Variants in LIPM observed in about 807,000 individuals in gnomAD.
LIPM encodes lipase family member M.
A neutral mutation model predicts 42.4 loss-of-function variants in LIPM; 42 were observed. That is an observed-to-expected ratio of 0.99 (90% CI 0.77 to 1.28). The LOEUF (loss-of-function observed/expected upper bound fraction) is 1.28. Ranked by LOEUF, LIPM falls within the 50% of genes most tolerant of loss-of-function variation. LIPM has a pLI of 0.00. For missense variants in LIPM, 524 were observed against 520.1 expected (o/e 1.01, Z -0.07); for synonymous variants, 177 against 173.3 (o/e 1.02, Z -0.17).
chr10:88,816,875 A>G lies in LIPM; in HGVS notation c.918A>G (p.Leu306=). 1 of 1,551,192 alleles carries G rather than the reference A, an allele frequency of 6.4e-7. No homozygotes were observed. The highest frequency in any genetic ancestry group is 8.7e-7 in the Non-Finnish European group (1 of 1,146,544). ...CTGGAACATCTGTGCAAAATATTCTACACTGGAGCCAGGTAAGAATGTTGA... is the reference window on the plus strand; with the variant it reads ...CTGGAACATCTGTGCAAAATATTCTGCACTGGAGCCAGGTAAGAATGTTGA... ...TLAGTSVQNI[L]HWSQAVNSGE... Residue 306 remains leucine (L), a synonymous_variant, in exon 7 of 9, where the codon CTA becomes CTG. Coordinates refer to ENST00000404743, the MANE Select transcript of LIPM (RefSeq NM_001128215.1).
intron 2 of LIPM, among the ~76,000 whole-genome samples, chr10:88,811,978 C>A (rs1223684394): frequency 6.6e-6 from 1 of 152,196 alleles, no homozygotes; most frequent in Non-Finnish European, 1.5e-5. Context: ...AAGTCCTTTA[C>A]AGCTGTTTTC....
intron 3 of LIPM, 57 bp downstream of exon 3, chr10:88,813,352 TA>T: frequency 2.2e-6 from 3 of 1,358,066 alleles, no homozygotes; most frequent in Non-Finnish European, 2.9e-6. Flanking sequence ...AAAAAATGGG[TA>T]AAAAATTACG....
At position 88,802,733 on chromosome 10, in the gene LIPM, C is replaced by CT. The variant is rs1253285713; in HGVS notation, c.-161dup. ...CATCCTAGGCAATGTTTCCAGCCTA[C>CT]TTTGTGTTCTTTCCCTACCAACTAA... On this transcript the variant is annotated 5_prime_UTR_variant, in exon 1 of 9. Coordinates refer to ENST00000404743, the MANE Select transcript of LIPM (RefSeq NM_001128215.1). The CT allele has an allele frequency of 4.6e-6, 3 of 647,800 alleles. No individual in the cohort carries two copies. Among genetic ancestry groups the CT allele is most frequent in the Non-Finnish European group, 7.9e-6 (3 of 382,144 alleles). 40.1% of individuals were successfully genotyped at this position (647,800 alleles called of 1,614,324 possible). A position where few individuals can be genotyped will look rare whatever the true frequency, so the allele number is the denominator to read the frequency against.
intron 8 of LIPM, 138 bp downstream of exon 8, chr10:88,818,034 C>A: frequency 1.4e-6 from 1 of 702,532 alleles, no homozygotes; most frequent in Non-Finnish European, 2.3e-6. Context: ...TGTTTGACTC[C>A]ATTTGAAAAT....
At position 88,817,908 on chromosome 10, in the gene LIPM, A is replaced by T. The variant is rs1843737037; in HGVS notation, c.1002+12A>T. The T allele has an allele frequency of 3.9e-6, 6 of 1,543,788 alleles. No homozygotes were observed. The East Asian group carries it at 1.5e-4, about 38-fold the overall frequency. ...AAAAATGCAATCAGGTAAGAAAATC[A>T]AATACCATCTGCTGAAAATATATAC... On this transcript the variant is annotated intron_variant, in intron 8 of 8. Coordinates refer to ENST00000404743, the MANE Select transcript of LIPM (RefSeq NM_001128215.1).
At chr10:88,815,307 A>C (rs1186898844) in intron 5 of LIPM, 50 bp from the exon 6 acceptor site, 1 of 1,547,758 alleles carries the variant, frequency 6.5e-7, no homozygotes, top group South Asian at 1.2e-5. Context: ...TTTAAATTAC[A>C]GTCACATCTT....
At position 88,816,905 on chromosome 10, in the gene LIPM, G is replaced by T. The variant is rs1409185026; in HGVS notation, c.930+18G>T. 2 of 1,537,428 alleles carry T rather than the reference G, an allele frequency of 1.3e-6. No individual in the cohort carries two copies. The highest frequency in any genetic ancestry group is 1.8e-6 in the Non-Finnish European group (2 of 1,134,104). ...GGAGCCAGGTAAGAATGTTGAATTT[G>T]CAGTCTTTGCTAAATGTCCTGTTAT... is the stretch of plus-strand genomic sequence containing the variant. On this transcript the variant is annotated intron_variant, in intron 7 of 8. Transcript: ENST00000404743.
chr10:88,810,290 A>C (rs1843638945), intron 2 of LIPM, among the ~76,000 whole-genome samples: 1 of 152,194 alleles, frequency 6.6e-6, no homozygotes, highest in Non-Finnish European at 1.5e-5. Context: ...TCTTCCAAGC[A>C]GTCGAGTGAC....
chr10:88,814,571 AC>A lies in LIPM; in HGVS notation c.507del (p.Phe170LeufsTer43), dbSNP rs1456564354. Reference sequence around the variant, plus strand: ...AGGTTTGACCTTCCTGCAGTGATAAACTTTATTTTGCAGAAAACGGGCCAGG... The same window carrying A: ...AGGTTTGACCTTCCTGCAGTGATAAATTTATTTTGCAGAAAACGGGCCAGG... ...MARFDLPAVI[N>X]FILQKTGQEK... On this transcript the variant is annotated frameshift_variant, in exon 4 of 9. Transcript: ENST00000404743. LOFTEE classifies it high-confidence loss of function. The A allele has an allele frequency of 1.0e-5, 16 of 1,551,614 alleles. No individual in the cohort carries two copies. Among genetic ancestry groups the A allele is most frequent in the Non-Finnish European group, 1.2e-5 (14 of 1,146,900 alleles).
At chr10:88,806,475 A>G (rs747152135) in intron 1 of LIPM, among the ~76,000 whole-genome samples, 12 of 152,000 alleles carry the variant, frequency 7.9e-5, no homozygotes, top group African/African-American at 1.9e-4. Context: ...TCATGTTTTT[A>G]TATATATTTA....
chr10:88,816,538 C>T (rs1843720113), intron 6 of LIPM, among the ~76,000 whole-genome samples: 1 of 152,076 alleles, frequency 6.6e-6, no homozygotes, highest in South Asian at 2.1e-4. Flanking sequence ...AGGCCCAATG[C>T]TAGAGCCCTC....
intron 7 of LIPM, 92 bp from the exon 8 acceptor site, chr10:88,817,733 A>G (rs1014510728): frequency 3.6e-5 from 29 of 806,398 alleles, no homozygotes; most frequent in Non-Finnish European, 5.9e-5. Flanking sequence ...TCCTTCCCTC[A>G]TGAGTGCACA....
At chr10:88,813,782 C>A (rs1298445586) in intron 3 of LIPM, among the ~76,000 whole-genome samples, 1 of 152,126 alleles carries the variant, frequency 6.6e-6, no homozygotes, top group Non-Finnish European at 1.5e-5. Flanking sequence ...CCTCAGGAAA[C>A]TTACAATCAT....
At chr10:88,803,222 C>T (rs1843549019) in intron 1 of LIPM, among the ~76,000 whole-genome samples, 179 bp downstream of exon 1, 1 of 152,142 alleles carries the variant, frequency 6.6e-6, no homozygotes, top group African/African-American at 2.4e-5. Context: ...CCTGGGGTCT[C>T]CTCACACAAA....
intron 1 of LIPM, among the ~76,000 whole-genome samples, chr10:88,804,977 G>A (rs1843568817): frequency 6.6e-6 from 1 of 152,128 alleles, no homozygotes; most frequent in African/African-American, 2.4e-5. Flanking sequence ...CCCAGGGTAA[G>A]CCCCAATTTT....
In LIPM at chr10:88,802,995, A is replaced by G; in HGVS notation, c.99A>G (p.Ser33=). 3 of 1,551,508 alleles carry G rather than the reference A, an allele frequency of 1.9e-6. No individual in the cohort carries two copies. Among genetic ancestry groups the G allele is most frequent in the African/African-American group, 1.4e-5 (1 of 73,150 alleles). The change falls in exon 1 of 9, where the codon TCA becomes TCG. Residue 33 remains serine (S), a synonymous_variant. Coordinates refer to ENST00000404743, the MANE Select transcript of LIPM (RefSeq NM_001128215.1). Reference sequence around the variant, plus strand: ...ATATGTTCCAGAGAAATGTGAATTCAGTACATATGCCAACTAAAGCTGTGG... The same window carrying G: ...ATATGTTCCAGAGAAATGTGAATTCGGTACATATGCCAACTAAAGCTGTGG... ...VAYMFQRNVN[S]VHMPTKAVDP...
chr10:88,804,582 A>G (rs973361601), intron 1 of LIPM, among the ~76,000 whole-genome samples: 1 of 152,162 alleles, frequency 6.6e-6, no homozygotes, highest in African/African-American at 2.4e-5. Context: ...GTGAAAAAAA[A>G]ACAGCAAGAA....
chr10:88,811,595 C>G (rs1185243907), intron 2 of LIPM, among the ~76,000 whole-genome samples: 2 of 152,116 alleles, frequency 1.3e-5, no homozygotes, highest in African/African-American at 2.4e-5. Context: ...CTTCTCTATT[C>G]TCTACTGATA....
At chr10:88,814,805 A>G (rs1843698403) in intron 4 of LIPM, among the ~76,000 whole-genome samples, 166 bp downstream of exon 4, 1 of 152,210 alleles carries the variant, frequency 6.6e-6, no homozygotes, top group Admixed American at 6.5e-5. Flanking sequence ...TATGTGCTAG[A>G]TATAGCATAT....
Sources: allele counts gnomAD v4.1 joint callset (sites outside exome capture counted in the v4.1 genomes callset), GRCh38; gene constraint gnomAD v4.1.1; transcripts MANE v1.5; gene names NCBI Gene and HGNC (gene_info 2026-07-23, HGNC 2026-07-21).